The following STAU2 variants were observed in gnomAD, a reference collection of about 807,000 sequenced individuals.
STAU2 encodes the protein staufen double-stranded RNA binding protein 2.
Under a neutral mutation model 65.9 loss-of-function variants are expected in STAU2, and 20 were observed. The ratio of observed to expected loss-of-function variants is 0.30; its 90% confidence interval spans 0.21 to 0.44. STAU2 has a LOEUF of 0.44. Ranked by LOEUF, STAU2 falls within the 20% of genes least tolerant of loss-of-function variation. The probability of loss-of-function intolerance (pLI) is 1.00; values close to 1 mark genes in which losing one functional copy is unlikely to be tolerated. For synonymous variants in STAU2, 232 were observed against 233.9 expected, an observed-to-expected ratio of 0.99 and a Z score of 0.07; for missense variants, 558 against 683.9, an observed-to-expected ratio of 0.82 and a Z score of 2.05.
intron 13 of STAU2, among the ~76,000 whole-genome samples, chr8:73,502,665 A>C (rs1360639853): frequency 6.6e-6 from 1 of 152,020 alleles, no homozygotes; most frequent in East Asian, 1.9e-4. Context: ...CTTCTGCATA[A>C]AATTCTCTTT....
chr8:73,484,959 T>C (rs142861925), intron 13 of STAU2, among the ~76,000 whole-genome samples: 39 of 152,218 alleles, frequency 2.6e-4, no homozygotes, highest in African/African-American at 9.4e-4. Context: ...TTTTACATCA[T>C]AATTACACTT....
At chr8:73,555,329 G>T (rs1428453145) in intron 12 of STAU2, among the ~76,000 whole-genome samples, 1 of 28,406 alleles carries the variant, frequency 3.5e-5, no homozygotes, top group African/African-American at 9.8e-5. Context: ...CTTATCACAA[G>T]AGCATACAGA....
chr8:73,514,228 C>A (rs1822578564), intron 13 of STAU2, among the ~76,000 whole-genome samples: 3 of 152,094 alleles, frequency 2.0e-5, no homozygotes, highest in South Asian at 2.1e-4. Flanking sequence ...GCTTTCCTTG[C>A]CATTTTCAGA....
intron 12 of STAU2, among the ~76,000 whole-genome samples, chr8:73,558,553 G>C (rs1312926561): frequency 2.6e-5 from 4 of 152,152 alleles, no homozygotes; most frequent in Non-Finnish European, 4.4e-5. Flanking sequence ...TTTTATAAGC[G>C]AACTTAGGAG....
intron 13 of STAU2, among the ~76,000 whole-genome samples, chr8:73,423,132 C>T (rs576040009): frequency 6.6e-6 from 1 of 152,276 alleles, no homozygotes; most frequent in South Asian, 2.1e-4. Context: ...GACACTTAGC[C>T]CCAGTCAAGG....
chr8:73,736,175 G>A (rs984194053), intron 3 of STAU2, among the ~76,000 whole-genome samples: 1 of 152,208 alleles, frequency 6.6e-6, no homozygotes, highest in Non-Finnish European at 1.5e-5. Context: ...CTTTACATGA[G>A]GGAGAGTTAG....
At chr8:73,550,835 T>C in intron 13 of STAU2, 1 of 987,270 alleles carries the variant, frequency 1.0e-6, no homozygotes, top group Non-Finnish European at 1.2e-6. Flanking sequence ...TTTGAAAGAA[T>C]CAGAAGGGTT....
intron 13 of STAU2, among the ~76,000 whole-genome samples, chr8:73,452,634 C>T (rs1818858491): frequency 6.6e-6 from 1 of 152,214 alleles, no homozygotes; most frequent in South Asian, 2.1e-4. Context: ...AATGTGAGTT[C>T]TGGATCACAG....
At chr8:73,659,043 A>C (rs1816618576) in intron 6 of STAU2, among the ~76,000 whole-genome samples, 1 of 152,218 alleles carries the variant, frequency 6.6e-6, no homozygotes. Flanking sequence ...AAGAAAATGC[A>C]TAAAAAGTGA....
At chr8:73,535,721 G>A (rs935421505) in intron 13 of STAU2, among the ~76,000 whole-genome samples, 9 of 152,082 alleles carry the variant, frequency 5.9e-5, no homozygotes, top group African/African-American at 1.9e-4. Context: ...CACATTAAAC[G>A]GCAGAGGGCT....
At chr8:73,741,215 G>A (rs1806842511) in intron 1 of STAU2, among the ~76,000 whole-genome samples, 1 of 145,860 alleles carries the variant, frequency 6.9e-6, no homozygotes, top group Non-Finnish European at 1.5e-5. Flanking sequence ...TGAGGCAGGA[G>A]AATGGCGTGA....
chr8:73,538,926 T>C (rs908883052), intron 13 of STAU2, among the ~76,000 whole-genome samples: 3 of 152,174 alleles, frequency 2.0e-5, no homozygotes, highest in Non-Finnish European at 4.4e-5. Flanking sequence ...TCCCCTATCA[T>C]TCACTTCAAT....
At chr8:73,622,964 T>G (rs1052978843) in intron 6 of STAU2, among the ~76,000 whole-genome samples, 1 of 152,178 alleles carries the variant, frequency 6.6e-6, no homozygotes, top group Non-Finnish European at 1.5e-5. Context: ...TAAATAAAAT[T>G]GTAAATAAAA....
At chr8:73,743,252 G>A (rs1586398777) in intron 1 of STAU2, among the ~76,000 whole-genome samples, 1 of 150,384 alleles carries the variant, frequency 6.6e-6, no homozygotes, top group African/African-American at 2.4e-5. Context: ...ACATTTTTCA[G>A]ACACCAATTG....
chr8:73,621,323 TC>T (rs1325452187), intron 6 of STAU2, among the ~76,000 whole-genome samples: 7 of 152,164 alleles, frequency 4.6e-5, no homozygotes, highest in African/African-American at 1.7e-4. Flanking sequence ...TCTCCTGCTG[TC>T]CTGTGAAGAG....
chr8:73,461,027 T>C (rs549442353), intron 13 of STAU2, among the ~76,000 whole-genome samples: 1 of 152,208 alleles, frequency 6.6e-6, no homozygotes, highest in South Asian at 2.1e-4. Flanking sequence ...CAACATACAT[T>C]GGGTAACTGT....
chr8:73,575,220 A>G (rs1038478499), intron 12 of STAU2, among the ~76,000 whole-genome samples: 4 of 152,066 alleles, frequency 2.6e-5, no homozygotes, highest in Non-Finnish European at 5.9e-5. Flanking sequence ...AAAGTATAGA[A>G]ATGGCTCATA....
intron 3 of STAU2, among the ~76,000 whole-genome samples, chr8:73,733,222 C>T (rs1431454102): frequency 6.6e-6 from 1 of 151,970 alleles, no homozygotes; most frequent in Non-Finnish European, 1.5e-5. Flanking sequence ...AAAGAATCAC[C>T]AGATTATTTT....
chr8:73,600,127 C>T (rs1811523830), intron 10 of STAU2, among the ~76,000 whole-genome samples: 1 of 152,036 alleles, frequency 6.6e-6, no homozygotes, highest in Admixed American at 6.6e-5. Context: ...GGAGAATATA[C>T]AACAAAATGG....
Sources: allele counts gnomAD v4.1 joint callset (sites outside exome capture counted in the v4.1 genomes callset), GRCh38; gene constraint gnomAD v4.1.1; transcripts MANE v1.5; gene names NCBI Gene and HGNC (gene_info 2026-07-23, HGNC 2026-07-21).